Variants in HSD11B1 observed in about 807,000 individuals in gnomAD.
HSD11B1 encodes the protein 11-beta-hydroxysteroid dehydrogenase 1.
Under a neutral mutation model 22.1 loss-of-function variants are expected in HSD11B1, and 15 were observed. The ratio of observed to expected loss-of-function variants is 0.68; its 90% CI spans 0.45 to 1.04. HSD11B1 has a LOEUF of 1.04. HSD11B1 is among the 50% of genes least tolerant of loss of function. The pLI, the probability that HSD11B1 is intolerant of heterozygous loss-of-function variation, is 0.00. For synonymous variants in HSD11B1, 122 were observed against 125.2 expected (o/e 0.97, Z 0.17); for missense variants, 281 against 357.6 (o/e 0.79, Z 1.73).
intron 4 of HSD11B1, among the ~76,000 whole-genome samples, chr1:209,731,790 C>T (rs1174102009): frequency 6.6e-6 from 1 of 152,174 alleles, no homozygotes; most frequent in African/African-American, 2.4e-5. Flanking sequence ...TCTCAGCTCA[C>T]TGCAACTTCC....
rs565994081 is a variant in HSD11B1, at chr1:209,706,657, C to T, written c.220-52C>T. ...AGCCCCCCGTTACTTCAGAGACTAC[C>T]CCCCAAAAATCTGCAGCTAAGACTG... On this transcript the variant is annotated intron_variant, in intron 2 of 5. Coordinates refer to ENST00000367027, the MANE Select transcript of HSD11B1 (RefSeq NM_005525.4). The surrounding 1 kb of genome is among the most constrained non-coding windows in gnomAD (Gnocchi z 4.0). 8 of 1,237,490 alleles carry T rather than the reference C, an allele frequency of 6.5e-6. No individual in the cohort carries two copies. The highest frequency in any genetic ancestry group is 9.5e-6 in the Non-Finnish European group (8 of 838,304). 76.7% of individuals were successfully genotyped at this position (1,237,490 alleles called of 1,614,324 possible).
intron 4 of HSD11B1, among the ~76,000 whole-genome samples, chr1:209,716,150 TCATTC>T (rs2076928398): frequency 6.6e-6 from 1 of 152,134 alleles, no homozygotes; most frequent in African/African-American, 2.4e-5. Flanking sequence ...AAATTTTCAC[TCATTC>T]ACATGACATG....
intron 4 of HSD11B1, among the ~76,000 whole-genome samples, chr1:209,729,285 G>A (rs149308538): frequency 6.6e-6 from 1 of 151,714 alleles, no homozygotes; most frequent in Non-Finnish European, 1.5e-5. Flanking sequence ...CTAGAACTTG[G>A]GAGGCAAAAG....
At chr1:209,697,789 C>A (rs895017126) in intron 1 of HSD11B1, among the ~76,000 whole-genome samples, 3 of 151,478 alleles carry the variant, frequency 2.0e-5, no homozygotes, top group African/African-American at 7.3e-5. Flanking sequence ...TCTTAAAGCC[C>A]ACTGCCACTT....
At chr1:209,686,719 T>C (rs2076731047) in intron 1 of HSD11B1, among the ~76,000 whole-genome samples, 1 of 152,248 alleles carries the variant, frequency 6.6e-6, no homozygotes, top group Non-Finnish European at 1.5e-5. Context: ...ACAAACACTA[T>C]GCTGTATCTT....
chr1:209,702,863 C>T (rs913623589), upstream of HSD11B1, among the ~76,000 whole-genome samples: 15 of 152,340 alleles, frequency 9.8e-5, no homozygotes, highest in African/African-American at 3.1e-4. Context: ...TGTTTCTCAT[C>T]AATGCATTTT....
At chr1:209,725,984 C>G (rs531051329) in intron 4 of HSD11B1, among the ~76,000 whole-genome samples, 1 of 152,138 alleles carries the variant, frequency 6.6e-6, no homozygotes, top group Non-Finnish European at 1.5e-5. Flanking sequence ...AAAGGCTAAT[C>G]GTTTTTCAGT....
At chr1:209,690,803 CAT>C (rs1235839798) in intron 1 of HSD11B1, among the ~76,000 whole-genome samples, 6 of 151,916 alleles carry the variant, frequency 3.9e-5, no homozygotes, top group African/African-American at 1.5e-4. Context: ...AAAAATAAGA[CAT>C]AGAAAGATAA....
intron 4 of HSD11B1, among the ~76,000 whole-genome samples, chr1:209,727,591 C>T (rs1412913926): frequency 6.6e-6 from 1 of 152,190 alleles, no homozygotes; most frequent in African/African-American, 2.4e-5. Context: ...ATATAAAGAA[C>T]AGTGCCTTCT....
intron 4 of HSD11B1, among the ~76,000 whole-genome samples, chr1:209,713,451 T>C (rs761874575): frequency 1.3e-5 from 2 of 152,232 alleles, no homozygotes; most frequent in Non-Finnish European, 2.9e-5. Context: ...GTTGGGTGTG[T>C]TGTTTTTTCC....
At chr1:209,693,646 G>C (rs1213299079) in intron 1 of HSD11B1, among the ~76,000 whole-genome samples, 1 of 152,174 alleles carries the variant, frequency 6.6e-6, no homozygotes, top group Non-Finnish European at 1.5e-5. Context: ...AGATTCTACT[G>C]GATCTTTCCC....
chr1:209,703,547 C>T (rs974838842), upstream of HSD11B1, among the ~76,000 whole-genome samples: 1 of 152,154 alleles, frequency 6.6e-6, no homozygotes, highest in Non-Finnish European at 1.5e-5. Flanking sequence ...CTACAAGTGA[C>T]CCTCACAGCT....
At chr1:209,722,138 T>G (rs911985105) in intron 4 of HSD11B1, among the ~76,000 whole-genome samples, 1 of 152,192 alleles carries the variant, frequency 6.6e-6, no homozygotes, top group Admixed American at 6.5e-5. Context: ...ATTCTTTTAT[T>G]CTTGCCTTAG....
chr1:209,691,637 G>GA (rs1252475883), intron 1 of HSD11B1, among the ~76,000 whole-genome samples: 11 of 152,092 alleles, frequency 7.2e-5, no homozygotes, highest in Non-Finnish European at 1.6e-4. Context: ...TAACTCCCAG[G>GA]AATTCAATGA....
At chr1:209,724,528 C>A (rs535073351) in intron 4 of HSD11B1, among the ~76,000 whole-genome samples, 2 of 152,156 alleles carry the variant, frequency 1.3e-5, no homozygotes, top group Non-Finnish European at 2.9e-5. Flanking sequence ...ATGTTCTCAG[C>A]CTTTGAACCT....
At chr1:209,705,195 CAG>C (rs1349000167) in intron 1 of HSD11B1, among the ~76,000 whole-genome samples, 165 bp downstream of exon 1, 1 of 151,986 alleles carries the variant, frequency 6.6e-6, no homozygotes, top group East Asian at 1.9e-4. Context: ...AGGCTGTGGA[CAG>C]GGGGGACTGT....
chr1:209,727,020 A>G (rs1312785017), intron 4 of HSD11B1, among the ~76,000 whole-genome samples: 1 of 152,212 alleles, frequency 6.6e-6, no homozygotes, highest in Non-Finnish European at 1.5e-5. Flanking sequence ...ACGTGACCTT[A>G]AGTGGACACA....
At chr1:209,732,331 T>G in intron 4 of HSD11B1, 105 bp from the exon 5 acceptor site, 1 of 1,228,314 alleles carries the variant, frequency 8.1e-7, no homozygotes, top group Non-Finnish European at 1.2e-6. Context: ...AAACTAAGAC[T>G]CAAAGGGGTA....
At chr1:209,687,616 T>C (rs567375748) in intron 1 of HSD11B1, among the ~76,000 whole-genome samples, 2 of 152,332 alleles carry the variant, frequency 1.3e-5, no homozygotes, top group African/African-American at 2.4e-5. Context: ...CAAAGTCACA[T>C]GTATTGTCAG....
Sources: gnomAD v4.1 joint callset for allele counts (sites outside exome capture counted in the v4.1 genomes callset) on GRCh38, gnomAD v4.1.1 for gene constraint, Gnocchi (gnomAD v3.1) non-coding constraint, MANE v1.5 for transcripts, NCBI Gene and HGNC (gene_info 2026-07-23, HGNC 2026-07-21) for gene names.